The following MTDH variants were observed in gnomAD, a reference collection of about 807,000 sequenced individuals.
MTDH encodes metadherin.
In MTDH, 34 loss-of-function variants were observed where a neutral mutation model predicts 72.7. The observed-to-expected ratio is 0.47, with a 90% CI of 0.36 to 0.62. The LOEUF (loss-of-function observed/expected upper bound fraction) is 0.62, where lower values mean the gene tolerates loss of function less well. Ranked by LOEUF, MTDH falls within the 20% of genes least tolerant of loss-of-function variation. MTDH has a pLI of 0.00. For synonymous variants in MTDH, 266 were observed against 268.9 expected (o/e 0.99, Z 0.10); for missense variants, 677 against 699.4 (o/e 0.97, Z 0.36).
intron 2 of MTDH, among the ~76,000 whole-genome samples, chr8:97,681,491 C>CT (rs35262209): frequency 0.19 from 21,176 of 108,924 alleles, 2,377 homozygotes; most frequent in East Asian, 0.38. Context: ...AGAATTTTTT[C>CT]TTTTTTTTTT....
intron 2 of MTDH, among the ~76,000 whole-genome samples, chr8:97,671,260 C>T (rs1319980974): frequency 6.6e-6 from 1 of 152,108 alleles, no homozygotes; most frequent in Admixed American, 6.6e-5. Context: ...AGCCATAGCA[C>T]CCGGTGGGGG....
intron 1 of MTDH, among the ~76,000 whole-genome samples, chr8:97,645,527 G>A (rs1811533049): frequency 6.6e-6 from 1 of 152,242 alleles, no homozygotes; most frequent in African/African-American, 2.4e-5. Flanking sequence ...GCTTTGAGGT[G>A]TATGGTCCTG....
At chr8:97,647,348 C>T (rs754649489) in intron 1 of MTDH, among the ~76,000 whole-genome samples, 94 of 152,130 alleles carry the variant, frequency 6.2e-4, no homozygotes, top group South Asian at 2.3e-3. Context: ...GGTAGGAGTC[C>T]CCCAGGAATT....
At chr8:97,687,314 T>C in intron 3 of MTDH, 115 bp from the exon 4 acceptor site, 1 of 835,682 alleles carries the variant, frequency 1.2e-6, no homozygotes, top group Admixed American at 3.3e-5. Context: ...GGTTTTAGCT[T>C]AACATCTAAA....
At chr8:97,701,994 T>C (rs573568901) in intron 7 of MTDH, among the ~76,000 whole-genome samples, 1 of 152,342 alleles carries the variant, frequency 6.6e-6, no homozygotes, top group Admixed American at 6.5e-5. Context: ...CTTTATTTTC[T>C]GTGTCACCAT....
intron 2 of MTDH, among the ~76,000 whole-genome samples, chr8:97,679,467 C>A (rs1812983713): frequency 6.6e-6 from 1 of 152,078 alleles, no homozygotes; most frequent in South Asian, 2.1e-4. Flanking sequence ...TTCACAAAAA[C>A]TTTTGCATAG....
intron 8 of MTDH, among the ~76,000 whole-genome samples, chr8:97,709,683 TTTTATA>T: frequency 6.6e-6 from 1 of 152,358 alleles, no homozygotes; most frequent in South Asian, 2.1e-4. Context: ...TTATGTAACT[TTTTATA>T]TGTGGATACA....
intron 1 of MTDH, among the ~76,000 whole-genome samples, chr8:97,658,627 A>T (rs1184080043): frequency 1.3e-5 from 2 of 152,154 alleles, no homozygotes; most frequent in East Asian, 3.8e-4. Context: ...TATATAAGTG[A>T]TTATGATGGA....
chr8:97,686,630 A>G (rs1203484321), intron 2 of MTDH, 38 bp from the exon 3 acceptor site: 1 of 1,355,568 alleles, frequency 7.4e-7, no homozygotes, highest in South Asian at 1.4e-5. Context: ...ATTCAAAAAC[A>G]TAACAAAATA....
intron 2 of MTDH, among the ~76,000 whole-genome samples, chr8:97,682,652 T>C (rs1018284828): frequency 1.3e-5 from 2 of 152,040 alleles, no homozygotes; most frequent in Admixed American, 6.6e-5. Context: ...TATTTAAGCC[T>C]AATCTAAGAT....
intron 9 of MTDH, among the ~76,000 whole-genome samples, chr8:97,718,563 C>G (rs1384427550): frequency 1.3e-5 from 2 of 150,554 alleles, no homozygotes; most frequent in Admixed American, 1.3e-4. Flanking sequence ...CTCTGTTGCC[C>G]AGGCTGGAGT....
intron 1 of MTDH, among the ~76,000 whole-genome samples, chr8:97,654,554 CTT>C (rs573225011): frequency 7.0e-6 from 1 of 143,550 alleles, no homozygotes. Context: ...TTGCCTTTAT[CTT>C]TTTTTTTTTT....
At position 97,684,863 on chromosome 8, in the gene MTDH, C is replaced by T. The variant is rs968605341; in HGVS notation, c.484-1805C>T. 3.3e-5 allele frequency among the ~76,000 whole-genome samples: 5 copies of T among 152,228 alleles called. No homozygotes were observed. In the South Asian group the frequency reaches 6.2e-4, roughly 19 times the overall value. On this transcript the variant is annotated intron_variant, in intron 2 of 11. Transcript: ENST00000336273. ...GGCGGATCACTTAAGGTCAGGAGTT[C>T]GAGACCAGCCTGGCTGACATGGTGA...
At chr8:97,682,804 C>A (rs915581018) in intron 2 of MTDH, among the ~76,000 whole-genome samples, 22 of 151,510 alleles carry the variant, frequency 1.5e-4, no homozygotes, top group Admixed American at 5.9e-4. Flanking sequence ...CTCTTTTCAC[C>A]TTTTGTTTTA....
intron 2 of MTDH, among the ~76,000 whole-genome samples, chr8:97,678,651 C>A (rs572784616): frequency 6.9e-5 from 9 of 130,672 alleles, no homozygotes; most frequent in African/African-American, 2.7e-4. Context: ...GTCACCCAGG[C>A]TGGTCTCGAA....
At position 97,713,761 on chromosome 8, in the gene MTDH, A is replaced by G. The variant is rs867111584; in HGVS notation, c.1372A>G (p.Thr458Ala). Residue 458 changes from threonine (T) to alanine (A), a missense_variant, in exon 9 of 12, where the codon ACT becomes GCT. Physicochemically the swap from Thr to Ala is moderately conservative, Grantham distance 58. Transcript: ENST00000336273. Reference protein sequence around the residue: ...KKKKQGEDNSTAQDTEELEKE... With the variant: ...KKKKQGEDNSAAQDTEELEKE... ...GAAGAAGCAAGGTGAAGATAACTCT[A>G]CTGCACAGGTAAAATGTCAGAACAA... The G allele has an allele frequency of 3.2e-6, 5 of 1,571,130 alleles. No homozygotes were observed. The Middle Eastern group carries it at 5.0e-4, about 158-fold the overall frequency.
intron 1 of MTDH, among the ~76,000 whole-genome samples, chr8:97,656,067 G>T (rs1238037736): frequency 6.6e-6 from 1 of 152,100 alleles, no homozygotes; most frequent in Non-Finnish European, 1.5e-5. Flanking sequence ...TTGGTAGACT[G>T]CCCTTCTAGT....
chr8:97,688,792 A>T (rs1419212571), intron 4 of MTDH, among the ~76,000 whole-genome samples: 1 of 152,218 alleles, frequency 6.6e-6, no homozygotes, highest in Non-Finnish European at 1.5e-5. Context: ...CTGTCTGTAC[A>T]TAGGCAGTTT....
In MTDH at chr8:97,684,078, G is replaced by A. The variant is rs528325162; in HGVS notation, c.484-2590G>A. On this transcript the variant is annotated intron_variant, in intron 2 of 11. Transcript: ENST00000336273. Reference sequence around the variant, plus strand: ...CTTGAACCCAGGCGGCAGAGGTTGCGGTGAACTGAGATCGCGCCATTGCAC... The same window carrying A: ...CTTGAACCCAGGCGGCAGAGGTTGCAGTGAACTGAGATCGCGCCATTGCAC... Among the ~76,000 whole-genome samples the A allele has an allele frequency of 1.9e-4, 28 of 151,216 alleles. No homozygotes were observed. In the East Asian group the frequency reaches 3.9e-3, roughly 21 times the overall value.
Sources: allele counts gnomAD v4.1 joint callset (sites outside exome capture counted in the v4.1 genomes callset), GRCh38; gene constraint gnomAD v4.1.1; transcripts MANE v1.5; gene names NCBI Gene and HGNC (gene_info 2026-07-23, HGNC 2026-07-21).